SEMA3E: variants seen among roughly 807,000 people sequenced by gnomAD.
The protein encoded by SEMA3E is semaphorin 3E, also known as semaphorin-3E.
SEMA3E carries 49 observed loss-of-function variants against 93.6 expected under a neutral mutation model. The observed-to-expected ratio is 0.52, with a 90% CI of 0.42 to 0.66. The LOEUF (loss-of-function observed/expected upper bound fraction) is 0.66, where lower values mean the gene tolerates loss of function less well. Among genes scored for constraint, SEMA3E ranks in the 30% least tolerant of loss-of-function variants. SEMA3E has a pLI of 0.00. For missense variants in SEMA3E, 906 were observed against 964.8 expected (o/e 0.94, Z 0.81); for synonymous variants, 363 against 330.7 (o/e 1.10, Z -1.06).
chr7:83,471,233 C>A (rs987623440), intron 2 of SEMA3E, among the ~76,000 whole-genome samples: 2 of 151,628 alleles, frequency 1.3e-5, no homozygotes, highest in African/African-American at 4.8e-5. Flanking sequence ...ACTACAGAAC[C>A]CTTAAGGACA....
chr7:83,529,173 A>G (rs911474428), intron 1 of SEMA3E, among the ~76,000 whole-genome samples: 4 of 152,148 alleles, frequency 2.6e-5, no homozygotes, highest in Non-Finnish European at 5.9e-5. Context: ...TGACTAGAAA[A>G]TTACATGCTT....
At chr7:83,449,332 TG>T in intron 4 of SEMA3E, among the ~76,000 whole-genome samples, 1 of 152,184 alleles carries the variant, frequency 6.6e-6, no homozygotes, top group Middle Eastern at 3.4e-3. Context: ...ACTCCTGGGC[TG>T]AAGTAATCCT....
chr7:83,608,140 G>A (rs766579317), intron 1 of SEMA3E, among the ~76,000 whole-genome samples: 1 of 151,980 alleles, frequency 6.6e-6, no homozygotes, highest in Non-Finnish European at 1.5e-5. Flanking sequence ...TTGAACCCAG[G>A]AGGCAGAGGT....
intron 4 of SEMA3E, among the ~76,000 whole-genome samples, chr7:83,455,043 C>A (rs1789453612): frequency 6.6e-6 from 1 of 152,180 alleles, no homozygotes; most frequent in Non-Finnish European, 1.5e-5. Flanking sequence ...ATCCAAATAG[C>A]TGTGCTGCTA....
In SEMA3E at chr7:83,363,753, A is replaced by T. The variant is rs569912732; in HGVS notation, c.*3833T>A. 6.6e-6 allele frequency: 1 copy of T among 151,598 alleles called. No individual in the cohort carries two copies. The highest frequency in any genetic ancestry group is 2.4e-5 in the African/African-American group (1 of 41,290). The allele number at this position is 151,598 out of a possible 1,614,324, so 9.4% of individuals were successfully genotyped here. On this transcript the variant is annotated 3_prime_UTR_variant, in exon 17 of 17. Coordinates refer to ENST00000643230, the MANE Select transcript of SEMA3E (RefSeq NM_012431.3). ...CTCTGCTGTAAGAAAAAGAGTATGG[A>T]CTTCTTATTATAAATGTTGCATTTT... is the stretch of plus-strand genomic sequence containing the variant.
chr7:83,363,860 A>ATTTTTTTTTTTTTTTTTTT lies in SEMA3E; in HGVS notation c.*3707_*3725dup, dbSNP rs56867715. 1 of 76,922 alleles carries ATTTTTTTTTTTTTTTTTTT rather than the reference A, an allele frequency of 1.3e-5. No individual in the cohort carries two copies. Among genetic ancestry groups the ATTTTTTTTTTTTTTTTTTT allele is most frequent in the Non-Finnish European group, 2.3e-5 (1 of 42,724 alleles). The allele number at this position is 76,922 out of a possible 1,614,324, so 4.8% of individuals were successfully genotyped here. A position where few individuals can be genotyped will look rare whatever the true frequency, so the allele number is the denominator to read the frequency against. On this transcript the variant is annotated 3_prime_UTR_variant, in exon 17 of 17. Coordinates refer to ENST00000643230, the MANE Select transcript of SEMA3E (RefSeq NM_012431.3). ...GGCTACAGGTGTCACAGGTCAATTC[A>ATTTTTTTTTTTTTTTTTTT]TTTTTTTTTTTTTTTTTTTTTTTTT... is the stretch of plus-strand genomic sequence containing the variant.
At chr7:83,446,391 C>A (rs1025005363) in intron 4 of SEMA3E, among the ~76,000 whole-genome samples, 1 of 152,270 alleles carries the variant, frequency 6.6e-6, no homozygotes, top group South Asian at 2.1e-4. Context: ...TCAACAGAAC[C>A]AAGGCCAATG....
chr7:83,476,964 A>G (rs1222980229), intron 2 of SEMA3E, among the ~76,000 whole-genome samples: 4 of 152,170 alleles, frequency 2.6e-5, no homozygotes, highest in African/African-American at 9.7e-5. Context: ...CTATTCTTGC[A>G]TATTTCAACG....
rs1794111143 is a variant in SEMA3E at position 83,648,563 on chromosome 7, A to G, written c.-21T>C. 6.3e-7 allele frequency: 1 copy of G among 1,576,072 alleles called. No individual in the cohort carries two copies. ...GCCATGCTGCCGTGTTCACCGTCCA[A>G]GCCCTCGCTCCTCACTTTAAGGAGG... On this transcript the variant is annotated 5_prime_UTR_variant, in exon 1 of 17. Transcript: ENST00000643230.
At chr7:83,479,970 A>G (rs1790111884) in intron 2 of SEMA3E, among the ~76,000 whole-genome samples, 1 of 152,244 alleles carries the variant, frequency 6.6e-6, no homozygotes, top group African/African-American at 2.4e-5. Context: ...AAATATGATG[A>G]ATATGAATAA....
chr7:83,426,705 GT>G lies in SEMA3E; in HGVS notation c.457-8223del, dbSNP rs375319358. Among the ~76,000 whole-genome samples, 130 of 152,238 alleles carry G rather than the reference GT, an allele frequency of 8.5e-4. 1 individual carries two copies. Among genetic ancestry groups the G allele is most frequent in the African/African-American group, 2.9e-3 (120 of 41,548 alleles). The stretch of plus-strand genomic sequence containing the variant: ...ATTATTAAAAACATACAAAAACGTT[GT>G]TGCAGATAGGTAGGTTTACTCTAGA... On this transcript the variant is annotated intron_variant, in intron 4 of 16. Coordinates refer to ENST00000643230, the MANE Select transcript of SEMA3E (RefSeq NM_012431.3).
chr7:83,648,840 G>A lies in SEMA3E; in HGVS notation c.-298C>T. On this transcript the variant is annotated 5_prime_UTR_variant, in exon 1 of 17. Coordinates refer to ENST00000643230, the MANE Select transcript of SEMA3E (RefSeq NM_012431.3). ...GCAACTACGCCGGTAGATTCAGGAAGAAGCTGTATTTTTCAGTCACTTGGG... is the reference window on the plus strand; with the variant it reads ...GCAACTACGCCGGTAGATTCAGGAAAAAGCTGTATTTTTCAGTCACTTGGG... The A allele has an allele frequency of 4.0e-6, 1 of 252,278 alleles. No homozygotes were observed. The highest frequency in any genetic ancestry group is 7.6e-6 in the Non-Finnish European group (1 of 132,266). 15.6% of individuals were successfully genotyped at this position (252,278 alleles called of 1,614,324 possible). A position where few individuals can be genotyped will look rare whatever the true frequency, so the allele number is the denominator to read the frequency against.
chr7:83,425,565 A>G (rs1232346178), intron 4 of SEMA3E, among the ~76,000 whole-genome samples: 1 of 152,156 alleles, frequency 6.6e-6, no homozygotes, highest in Non-Finnish European at 1.5e-5. Flanking sequence ...GACTACCCAT[A>G]GCCTCCAGAA....
Position 83,458,547 on chromosome 7 carries a change from A to G in SEMA3E, c.456+7935T>C, listed in dbSNP as rs190860333. On this transcript the variant is annotated intron_variant, in intron 4 of 16. Transcript: ENST00000643230. ...ATTATCTTCAACATCCCTGTCCAACATCTGAACCGTATGTGCAAGCAAATG... is the reference window on the plus strand; with the variant it reads ...ATTATCTTCAACATCCCTGTCCAACGTCTGAACCGTATGTGCAAGCAAATG... Among the ~76,000 whole-genome samples, 623 of 152,060 alleles carry G rather than the reference A, an allele frequency of 4.1e-3. 6 individuals are homozygous for G. Among genetic ancestry groups the G allele is most frequent in the African/African-American group, 0.014 (563 of 41,530 alleles).
chr7:83,477,639 A>G (rs1169682598), intron 2 of SEMA3E, among the ~76,000 whole-genome samples: 2 of 152,166 alleles, frequency 1.3e-5, no homozygotes, highest in African/African-American at 4.8e-5. Context: ...GAAAAATATG[A>G]TAACTACACA....
At chr7:83,556,296 A>G (rs1288226608) in intron 1 of SEMA3E, among the ~76,000 whole-genome samples, 1 of 152,190 alleles carries the variant, frequency 6.6e-6, no homozygotes, top group Non-Finnish European at 1.5e-5. Flanking sequence ...ACGACTTTGC[A>G]TAGATATTAC....
chr7:83,622,044 G>A lies in SEMA3E; in HGVS notation c.115+26384C>T, dbSNP rs1314572970. 2.6e-5 allele frequency among the ~76,000 whole-genome samples: 4 copies of A among 152,222 alleles called. No homozygotes were observed. In the East Asian group the frequency reaches 5.8e-4, roughly 22 times the overall value. ...CACAGCAAAAGAAGCTATCATCAGA[G>A]TGAACAGACAACATACAGAATGGGA... On this transcript the variant is annotated intron_variant, in intron 1 of 16. Transcript: ENST00000643230.
intron 14 of SEMA3E, among the ~76,000 whole-genome samples, chr7:83,389,981 A>G (rs1467952482): frequency 8.9e-6 from 1 of 112,288 alleles, no homozygotes; most frequent in Admixed American, 1.0e-4. Context: ...ACACATATAT[A>G]CGCGTATATG....
At chr7:83,485,149 C>T (rs903510366) in intron 2 of SEMA3E, among the ~76,000 whole-genome samples, 1 of 152,012 alleles carries the variant, frequency 6.6e-6, no homozygotes, top group East Asian at 1.9e-4. Context: ...ATAGCAACAT[C>T]GATAAAATGA....
Sources: allele counts gnomAD v4.1 joint callset (sites outside exome capture counted in the v4.1 genomes callset), GRCh38; gene constraint gnomAD v4.1.1; transcripts MANE v1.5; gene names NCBI Gene and HGNC (gene_info 2026-07-23, HGNC 2026-07-21).